MCC: variants seen among roughly 807,000 people sequenced by gnomAD.
MCC encodes the protein MCC regulator of Wnt signaling pathway, also known as colorectal mutant cancer protein.
A neutral mutation model predicts 116.2 loss-of-function variants in MCC; 90 were observed. The observed-to-expected ratio is 0.77, with a 90% confidence interval of 0.65 to 0.92. The LOEUF (loss-of-function observed/expected upper bound fraction) is 0.92, where lower values mean the gene tolerates loss of function less well. MCC is among the 40% of genes least tolerant of loss of function. MCC has a pLI of 0.00. For synonymous variants in MCC, 578 were observed against 510.5 expected, an observed-to-expected ratio of 1.13 and a Z score of -1.78; for missense variants, 1,516 against 1,312.2, an observed-to-expected ratio of 1.16 and a Z score of -2.40.
intron 2 of MCC, among the ~76,000 whole-genome samples, chr5:113,381,764 G>A (rs1769128943): frequency 6.6e-6 from 1 of 152,038 alleles, no homozygotes; most frequent in African/African-American, 2.4e-5. Flanking sequence ...CTCCAGCCTG[G>A]GTGACAGAGT....
At chr5:113,080,714 G>A (rs182232656) in intron 11 of MCC, among the ~76,000 whole-genome samples, 5 of 151,194 alleles carry the variant, frequency 3.3e-5, no homozygotes, top group Non-Finnish European at 5.9e-5. Context: ...ATGATGAGTT[G>A]ATGGGTGCAG....
chr5:113,243,257 A>C (rs1302338747), intron 3 of MCC, among the ~76,000 whole-genome samples: 4 of 152,178 alleles, frequency 2.6e-5, no homozygotes, highest in African/African-American at 9.7e-5. Context: ...CTGGTAATGA[A>C]TCATCAGCAC....
chr5:113,474,517 G>C (rs912440599), intron 1 of MCC, among the ~76,000 whole-genome samples: 1 of 152,160 alleles, frequency 6.6e-6, no homozygotes, highest in African/African-American at 2.4e-5. Context: ...CAGACAGGCA[G>C]GGCCTTAAAT....
chr5:113,461,746 A>C (rs1450991724), intron 1 of MCC, among the ~76,000 whole-genome samples: 1 of 17,058 alleles, frequency 5.9e-5, no homozygotes, highest in African/African-American at 1.8e-4. Context: ...TGCACCAGTA[A>C]AAAAAAAAAA....
chr5:113,340,730 C>T lies in MCC; in HGVS notation c.416G>A (p.Gly139Asp). ...GCTCTCCCTGGCTGCTGATAAGGCA[C>T]CTAAGTCCGAGAGAAGCAGAGAAAA... is the stretch of plus-strand genomic sequence containing the variant. ...SWPTSSDNSL[G>D]ALSAARESWE... Residue 139 changes from glycine (G) to aspartate (D), a missense_variant and splice_region_variant, in exon 3 of 19, where the codon GGT becomes GAT. Transcript: ENST00000408903. 1 of 1,612,698 alleles carries T rather than the reference C, an allele frequency of 6.2e-7. No homozygotes were observed. The highest frequency in any genetic ancestry group is 1.1e-5 in the South Asian group (1 of 91,024).
At chr5:113,218,120 G>GA (rs1216126643) in intron 3 of MCC, among the ~76,000 whole-genome samples, 1 of 144,650 alleles carries the variant, frequency 6.9e-6, no homozygotes, top group Non-Finnish European at 1.5e-5. Context: ...TGGGAAACTG[G>GA]GGGGAGTATG....
chr5:113,170,671 T>C (rs1392832796), intron 3 of MCC, among the ~76,000 whole-genome samples: 1 of 152,194 alleles, frequency 6.6e-6, no homozygotes, highest in African/African-American at 2.4e-5. Flanking sequence ...CTCTCCTTAC[T>C]GGTGTTCTTA....
rs188997059 is a variant in MCC at position 113,158,194 on chromosome 5, T to C, written c.628-6772A>G. 3.9e-5 allele frequency among the ~76,000 whole-genome samples: 6 copies of C among 152,372 alleles called. 1 individual carries two copies. Among genetic ancestry groups the C allele is most frequent in the Admixed American group, 3.3e-4 (5 of 15,308 alleles). On this transcript the variant is annotated intron_variant, in intron 3 of 18. Coordinates refer to ENST00000408903, the MANE Select transcript of MCC (RefSeq NM_001085377.2). ...GCAGTTGACTGCAAGTAAATGACAC[T>C]ATGGGTAAGGGGGGACTACTGTACT... is the stretch of plus-strand genomic sequence containing the variant.
At chr5:113,089,375 C>T (rs10223151) in intron 8 of MCC, among the ~76,000 whole-genome samples, 69,533 of 152,056 alleles carry the variant, frequency 0.46, 17,454 homozygotes, top group African/African-American at 0.69. Flanking sequence ...TAAAAGGTTG[C>T]AGTTGTTACC....
At chr5:113,115,714 CT>C (rs1230937345) in intron 6 of MCC, among the ~76,000 whole-genome samples, 1 of 152,036 alleles carries the variant, frequency 6.6e-6, no homozygotes, top group East Asian at 1.9e-4. Context: ...CAGAAAAGTT[CT>C]GTTTCACACA....
At chr5:113,263,367 G>C (rs1387059702) in intron 3 of MCC, among the ~76,000 whole-genome samples, 1 of 152,186 alleles carries the variant, frequency 6.6e-6, no homozygotes, top group Non-Finnish European at 1.5e-5. Flanking sequence ...ATTAATTCTG[G>C]ATCAGATATT....
At chr5:113,231,949 T>C (rs1438241849) in intron 3 of MCC, among the ~76,000 whole-genome samples, 2 of 152,148 alleles carry the variant, frequency 1.3e-5, no homozygotes, top group Admixed American at 1.3e-4. Flanking sequence ...GACAACTTAC[T>C]GACACTAAGT....
At chr5:113,433,423 G>A in intron 1 of MCC, 1 of 587,762 alleles carries the variant, frequency 1.7e-6, no homozygotes, top group Non-Finnish European at 3.2e-6. Context: ...TCCTGCTCTT[G>A]CTGTCACTGA....
At chr5:113,096,670 G>T (rs1756045319) in intron 8 of MCC, among the ~76,000 whole-genome samples, 1 of 152,164 alleles carries the variant, frequency 6.6e-6, no homozygotes, top group Admixed American at 6.5e-5. Flanking sequence ...GAGCCTTTGA[G>T]TGGGCTCTTA....
intron 3 of MCC, among the ~76,000 whole-genome samples, chr5:113,240,620 A>G (rs1764329101): frequency 1.3e-5 from 2 of 152,158 alleles, no homozygotes; most frequent in South Asian, 2.1e-4. Context: ...GATGGTTTCA[A>G]TGGAGGTTGC....
chr5:113,397,103 G>A (rs903463129), intron 1 of MCC, among the ~76,000 whole-genome samples: 3 of 152,210 alleles, frequency 2.0e-5, no homozygotes, highest in Admixed American at 6.5e-5. Flanking sequence ...AAGGTCAGCT[G>A]TAGTCTGGAA....
intron 5 of MCC, among the ~76,000 whole-genome samples, chr5:113,135,082 G>A (rs1758729789): frequency 6.6e-6 from 1 of 151,024 alleles, no homozygotes; most frequent in Non-Finnish European, 1.5e-5. Flanking sequence ...GCTGACTACA[G>A]GCGTCTGCCA....
chr5:113,474,243 ATG>A (rs1380991251), intron 1 of MCC, among the ~76,000 whole-genome samples: 1 of 152,224 alleles, frequency 6.6e-6, no homozygotes, highest in Non-Finnish European at 1.5e-5. Flanking sequence ...AATGAAAACT[ATG>A]AGAATATCCA....
intron 1 of MCC, among the ~76,000 whole-genome samples, chr5:113,470,848 G>A (rs1772068383): frequency 6.6e-6 from 1 of 151,730 alleles, no homozygotes; most frequent in African/African-American, 2.4e-5. Context: ...TTTTCACATA[G>A]TCCCATATTT....
Sources: allele counts gnomAD v4.1 joint callset (sites outside exome capture counted in the v4.1 genomes callset), GRCh38; gene constraint gnomAD v4.1.1; transcripts MANE v1.5; gene names NCBI Gene and HGNC (gene_info 2026-07-23, HGNC 2026-07-21).